PVALEF: variants seen among roughly 807,000 people sequenced by gnomAD.
The protein encoded by PVALEF is parvalbumin like EF-hand containing, also known as parvalbumin-like EF-hand-containing protein.
A neutral mutation model predicts 1.2 loss-of-function variants in PVALEF; 2 were observed. The observed-to-expected ratio is 1.68, with a 90% CI of 0.69 to 5.28. The LOEUF (loss-of-function observed/expected upper bound fraction) is 5.28, where lower values mean the gene tolerates loss of function less well. Among genes scored for constraint, PVALEF ranks in the 30% most tolerant of loss-of-function variants. The pLI is 0.06. For missense variants in PVALEF, 35 were observed against 17.7 expected (o/e 1.97, Z -1.75); for synonymous variants, 16 against 6.5 (o/e 2.47, Z -2.24).
intron 2 of PVALEF, among the ~76,000 whole-genome samples, chr17:81,169,653 G>A (rs540297190): frequency 1.6e-4 from 24 of 152,278 alleles, no homozygotes; most frequent in East Asian, 7.7e-4. Flanking sequence ...TGCCTCTTCC[G>A]GCTACTGGTG....
At position 81,182,084 on chromosome 17, in the gene PVALEF, G is replaced by C. The variant is rs1030712929; in HGVS notation, c.358+3G>C. ...GGACGGGAGGATCAACTACGAAGGTGGGGGCAGCACAGCCGGGGCACCCTC... is the reference window on the plus strand; with the variant it reads ...GGACGGGAGGATCAACTACGAAGGTCGGGGCAGCACAGCCGGGGCACCCTC... On this transcript the variant is annotated splice_donor_region_variant and intron_variant, in intron 6 of 6. Coordinates refer to ENST00000637878, the MANE Select transcript of PVALEF (RefSeq NM_001354639.2). 1.3e-5 allele frequency: 5 copies of C among 398,586 alleles called. No homozygotes were observed. Among genetic ancestry groups the C allele is most frequent in the African/African-American group, 2.1e-5 (1 of 48,626 alleles). The allele number at this position is 398,586 out of a possible 1,614,324, so 24.7% of individuals were successfully genotyped here.
chr17:81,173,017 G>A (rs1323971363), intron 2 of PVALEF, among the ~76,000 whole-genome samples: 1 of 152,180 alleles, frequency 6.6e-6, no homozygotes, highest in Non-Finnish European at 1.5e-5. Flanking sequence ...GGGGTATCAG[G>A]AAACAAATGC....
rs140105519 is a variant in PVALEF, at chr17:81,166,698, GC to G, written c.-479del. 1.5e-5 allele frequency: 7 copies of G among 454,174 alleles called. No homozygotes were observed. Among genetic ancestry groups the G allele is most frequent in the Admixed American group, 4.7e-5 (2 of 42,512 alleles). 28.1% of individuals were successfully genotyped at this position (454,174 alleles called of 1,614,324 possible). A position where few individuals can be genotyped will look rare whatever the true frequency, so the allele number is the denominator to read the frequency against. ...GCAGGTTTCGAGGCGGCTGGCAGCC[GC>G]CCCCCCACCCCATGCCCTTTGGGTG... On this transcript the variant is annotated 5_prime_UTR_variant, in exon 2 of 7. It introduces an in-frame stop codon into an upstream open reading frame of the 5' UTR. Coordinates refer to ENST00000637878, the MANE Select transcript of PVALEF (RefSeq NM_001354639.2).
chr17:81,165,866 G>A (rs1295099009), intron 1 of PVALEF, 119 bp downstream of exon 1: 14 of 1,535,662 alleles, frequency 9.1e-6, no homozygotes, highest in African/African-American at 4.1e-5. Flanking sequence ...ACCGGGAGCC[G>A]TGGGGCCCAG....
At chr17:81,178,038 CTG>C (rs1395194617) in intron 2 of PVALEF, among the ~76,000 whole-genome samples, 1 of 152,098 alleles carries the variant, frequency 6.6e-6, no homozygotes, top group East Asian at 1.9e-4. Flanking sequence ...CGGGTGTAGA[CTG>C]GATTCGTCTC....
chr17:81,174,501 G>A (rs144202206), intron 2 of PVALEF, among the ~76,000 whole-genome samples: 13,138 of 151,916 alleles, frequency 0.086, 704 homozygotes, highest in East Asian at 0.17. Flanking sequence ...GTGATGGCAC[G>A]CGCCTGTAGT....
rs1398637217 is a variant in PVALEF at position 81,165,551 on chromosome 17, G to T, written c.-704G>T. The T allele has an allele frequency of 2.9e-6, 3 of 1,032,834 alleles. No individual in the cohort carries two copies. Among genetic ancestry groups the T allele is most frequent in the Admixed American group, 4.6e-5 (2 of 43,424 alleles). 64.0% of individuals were successfully genotyped at this position (1,032,834 alleles called of 1,614,324 possible). On this transcript the variant is annotated 5_prime_UTR_variant, in exon 1 of 7. Transcript: ENST00000637878. Reference sequence around the variant, plus strand: ...AAGAAGCCTCCCACGCCAGGGCCCCGGACCCAGGAGAGGCCATGGAAAGCC... The same window carrying T: ...AAGAAGCCTCCCACGCCAGGGCCCCTGACCCAGGAGAGGCCATGGAAAGCC...
chr17:81,165,638 C>T lies in PVALEF; in HGVS notation c.-617C>T, dbSNP rs1054391548. 2 of 1,472,462 alleles carry T rather than the reference C, an allele frequency of 1.4e-6. No individual in the cohort carries two copies. The highest frequency in any genetic ancestry group is 1.8e-6 in the Non-Finnish European group (2 of 1,106,462). The allele number at this position is 1,472,462 out of a possible 1,614,324, so 91.2% of individuals were successfully genotyped here. ...GGGCCCTTAGTCTGAGACCAACTCT[C>T]CTGGACACCAGGGGCCCACGCAGGC... On this transcript the variant is annotated 5_prime_UTR_variant, in exon 1 of 7. Transcript: ENST00000637878.
chr17:81,174,129 G>GT (rs1475604414), intron 2 of PVALEF, among the ~76,000 whole-genome samples: 1 of 152,118 alleles, frequency 6.6e-6, no homozygotes, highest in Non-Finnish European at 1.5e-5. Flanking sequence ...ATGAACAGAA[G>GT]GAAACTACCT....
At chr17:81,181,536 T>C (rs1038421642) in intron 4 of PVALEF, 23 bp from the exon 5 acceptor site, 57 of 471,758 alleles carry the variant, frequency 1.2e-4, no homozygotes, top group Middle Eastern at 5.2e-4. Context: ...GGCCCCTCCG[T>C]GAGCCCCGCC....
intron 1 of PVALEF, 122 bp from the exon 2 acceptor site, chr17:81,166,555 G>C (rs1410451328): frequency 2.7e-5 from 10 of 364,522 alleles, no homozygotes; most frequent in Non-Finnish European, 4.9e-5. Flanking sequence ...TGGGTACGGA[G>C]GGAACGCCGG....
At chr17:81,168,593 T>C (rs1017532005) in intron 2 of PVALEF, among the ~76,000 whole-genome samples, 1 of 152,130 alleles carries the variant, frequency 6.6e-6, no homozygotes, top group African/African-American at 2.4e-5. Flanking sequence ...AAGACATAGC[T>C]GTCTGCTATC....
At chr17:81,176,488 AG>A (rs1202218436) in intron 2 of PVALEF, among the ~76,000 whole-genome samples, 25 of 152,248 alleles carry the variant, frequency 1.6e-4, no homozygotes, top group African/African-American at 6.0e-4. Context: ...ACTGCGCTCC[AG>A]CCTGGGTGAC....
At chr17:81,178,307 G>A (rs543026093) in intron 2 of PVALEF, among the ~76,000 whole-genome samples, 5 of 152,192 alleles carry the variant, frequency 3.3e-5, no homozygotes, top group East Asian at 1.9e-4. Context: ...CCCCGACCCC[G>A]GCAGACAGCC....
chr17:81,166,509 G>A (rs1420051009), intron 1 of PVALEF, among the ~76,000 whole-genome samples, 168 bp from the exon 2 acceptor site: 1 of 102,208 alleles, frequency 9.8e-6, no homozygotes, highest in East Asian at 3.4e-4. Context: ...CTGGCGGGGG[G>A]GGGGGAAACG....
chr17:81,179,430 G>A (rs1343352824), intron 3 of PVALEF, among the ~76,000 whole-genome samples: 2 of 152,242 alleles, frequency 1.3e-5, no homozygotes, highest in African/African-American at 2.4e-5. Flanking sequence ...GTGCTGGCAC[G>A]AGCCTCTGTG....
intron 2 of PVALEF, among the ~76,000 whole-genome samples, chr17:81,174,296 T>C (rs1213952897): frequency 6.6e-6 from 1 of 152,082 alleles, no homozygotes; most frequent in Non-Finnish European, 1.5e-5. Context: ...AGTGGACCAA[T>C]TAAGCAAGAA....
At chr17:81,166,099 C>T (rs1396650547) in intron 1 of PVALEF, 3 of 617,612 alleles carry the variant, frequency 4.9e-6, no homozygotes, top group Non-Finnish European at 2.0e-6. Flanking sequence ...AGGTGCGGAG[C>T]GCGCCGGCCC....
chr17:81,167,290 C>A (rs1422070381), intron 2 of PVALEF, among the ~76,000 whole-genome samples: 2 of 151,674 alleles, frequency 1.3e-5, no homozygotes, highest in Non-Finnish European at 2.9e-5. Flanking sequence ...GATCTTGTCT[C>A]AAAAAAAGTG....
Sources: allele counts gnomAD v4.1 joint callset (sites outside exome capture counted in the v4.1 genomes callset), GRCh38; gene constraint gnomAD v4.1.1; transcripts MANE v1.5; gene names NCBI Gene and HGNC (gene_info 2026-07-23, HGNC 2026-07-21).